Variants in LRRC38 observed in about 807,000 individuals in gnomAD.
LRRC38 encodes the protein leucine rich repeat containing 38.
In LRRC38, 5 loss-of-function variants were observed where a neutral mutation model predicts 16.4. The observed-to-expected ratio is 0.31, with a 90% CI of 0.16 to 0.64. The LOEUF is 0.64. Among genes scored for constraint, LRRC38 ranks in the 30% least tolerant of loss-of-function variants. The pLI is 0.80. For missense variants in LRRC38, 341 were observed against 401.8 expected (o/e 0.85, Z 1.29); for synonymous variants, 191 against 190.2 (o/e 1.00, Z -0.04).
rs200115412 is a variant in LRRC38, at chr1:13,504,769, GAGGGA to G, written c.631+8189_631+8193del. Among the ~76,000 whole-genome samples the G allele has an allele frequency of 7.1e-3, 572 of 80,372 alleles. 21 individuals carry two copies. The highest frequency in any genetic ancestry group is 0.027 in the African/African-American group (505 of 18,750). 52.7% of individuals were successfully genotyped at this position (80,372 alleles called of 152,430 possible). ...GAGGGGAGGGGAGGGGAGGGGAAGGGAGGGAAGGGGAGAGGGAAAGAAAGAAGAGA... is the reference window on the plus strand; with the variant it reads ...GAGGGGAGGGGAGGGGAGGGGAAGGGAGGGGAGAGGGAAAGAAAGAAGAGA... On this transcript the variant is annotated intron_variant, in intron 1 of 1. Transcript: ENST00000376085.
In LRRC38 at chr1:13,513,565, G is replaced by C. The variant is rs1639302957; in HGVS notation, c.29C>G (p.Ala10Gly). 2 of 1,219,540 alleles carry C rather than the reference G, an allele frequency of 1.6e-6. No homozygotes were observed. Among genetic ancestry groups the C allele is most frequent in the South Asian group, 3.9e-5 (1 of 25,508 alleles). The allele number at this position is 1,219,540 out of a possible 1,614,324, so 75.5% of individuals were successfully genotyped here. A position where few individuals can be genotyped will look rare whatever the true frequency, so the allele number is the denominator to read the frequency against. Reference sequence around the variant, plus strand: ...AAGGCTGCAGAGCCCGAGCGCCGCGGCGGCGCAGGCTGGGGCTCGGGGGCG... The same window carrying C: ...AAGGCTGCAGAGCCCGAGCGCCGCGCCGGCGCAGGCTGGGGCTCGGGGGCG... MRPRAPACA[A>G]AALGLCSLLL... The change falls in exon 1 of 2, where the codon GCC becomes GGC. Residue 10 changes from alanine (A) to glycine (G), a missense_variant. Coordinates refer to ENST00000376085, the MANE Select transcript of LRRC38 (RefSeq NM_001010847.2).
intron 1 of LRRC38, among the ~76,000 whole-genome samples, chr1:13,485,381 T>A (rs1377994597): frequency 6.6e-6 from 1 of 150,544 alleles, no homozygotes. Flanking sequence ...ATTGAGACCA[T>A]CCTGGCTAAC....
In LRRC38 at chr1:13,513,007, T is replaced by A. The variant is rs1249607631; in HGVS notation, c.587A>T (p.His196Leu). ...NPWLCDCDFA[H>L]LFSWIQENAS... is the part of the protein sequence containing the mutation. Reference sequence around the variant, plus strand: ...GTTCTCCTGGATCCAGGAGAAGAGGTGGGCGAAGTCACAGTCGCACAGCCA... The same window carrying A: ...GTTCTCCTGGATCCAGGAGAAGAGGAGGGCGAAGTCACAGTCGCACAGCCA... The change falls in exon 1 of 2, where the codon CAC becomes CTC. Residue 196 changes from histidine to leucine, a missense_variant. His to Leu is a moderately conservative substitution (Grantham distance 99, BLOSUM62 -3). Coordinates refer to ENST00000376085, the MANE Select transcript of LRRC38 (RefSeq NM_001010847.2). 6.3e-6 allele frequency: 9 copies of A among 1,439,336 alleles called. No homozygotes were observed. The highest frequency in any genetic ancestry group is 8.3e-6 in the Non-Finnish European group (9 of 1,088,042). 89.2% of individuals were successfully genotyped at this position (1,439,336 alleles called of 1,614,324 possible). A position where few individuals can be genotyped will look rare whatever the true frequency, so the allele number is the denominator to read the frequency against.
At chr1:13,512,532 G>A (rs980864219) in intron 1 of LRRC38, among the ~76,000 whole-genome samples, 1 of 152,152 alleles carries the variant, frequency 6.6e-6, no homozygotes, top group East Asian at 1.9e-4. Context: ...GTTAGGCTCG[G>A]GAAGCTGCTG....
At chr1:13,511,737 A>G (rs1404114889) in intron 1 of LRRC38, among the ~76,000 whole-genome samples, 1 of 152,058 alleles carries the variant, frequency 6.6e-6, no homozygotes, top group Non-Finnish European at 1.5e-5. Context: ...GTGGATGAGG[A>G]CAAAGTTTAA....
chr1:13,496,486 T>A (rs866396581), intron 1 of LRRC38, among the ~76,000 whole-genome samples: 19 of 152,112 alleles, frequency 1.2e-4, no homozygotes, highest in Admixed American at 5.2e-4. Context: ...CTGTCTTTAC[T>A]GCATTTATCT....
intron 1 of LRRC38, among the ~76,000 whole-genome samples, chr1:13,501,063 C>T (rs1344672647): frequency 6.6e-6 from 1 of 152,110 alleles, no homozygotes; most frequent in Non-Finnish European, 1.5e-5. Flanking sequence ...CTCATGTAAA[C>T]TTGCTGTGGG....
At chr1:13,512,497 T>C (rs1203352096) in intron 1 of LRRC38, among the ~76,000 whole-genome samples, 1 of 152,010 alleles carries the variant, frequency 6.6e-6, no homozygotes, top group Non-Finnish European at 1.5e-5. Flanking sequence ...AAGAGCAAAC[T>C]GGAGCTGAGA....
chr1:13,490,981 A>C (rs976679005), intron 1 of LRRC38, among the ~76,000 whole-genome samples: 2 of 152,104 alleles, frequency 1.3e-5, no homozygotes, highest in Non-Finnish European at 2.9e-5. Context: ...TCCTATTGGG[A>C]AGTAATATTT....
Position 13,513,669 on chromosome 1 carries a change from G to T in LRRC38, c.-76C>A. ...GAGCCCTGGCGCGGGACGGCGCGGT[G>T]AGGCACTGGCTGCCGGGCGCGGGGA... On this transcript the variant is annotated 5_prime_UTR_variant, in exon 1 of 2. Coordinates refer to ENST00000376085, the MANE Select transcript of LRRC38 (RefSeq NM_001010847.2). 2.0e-6 allele frequency: 2 copies of T among 981,068 alleles called. No homozygotes were observed. Among genetic ancestry groups the T allele is most frequent in the Non-Finnish European group, 2.4e-6 (2 of 818,176 alleles). 60.8% of individuals were successfully genotyped at this position (981,068 alleles called of 1,614,324 possible). A position where few individuals can be genotyped will look rare whatever the true frequency, so the allele number is the denominator to read the frequency against.
intron 1 of LRRC38, among the ~76,000 whole-genome samples, chr1:13,498,785 A>G (rs887147677): frequency 6.6e-6 from 1 of 152,192 alleles, no homozygotes; most frequent in African/African-American, 2.4e-5. Context: ...AATACCACCA[A>G]CTGGGTGGCT....
chr1:13,492,067 C>T (rs1005367615), intron 1 of LRRC38, among the ~76,000 whole-genome samples: 5 of 152,174 alleles, frequency 3.3e-5, no homozygotes, highest in African/African-American at 1.2e-4. Context: ...TCCAGAACTC[C>T]TTCCATCTTC....
intron 1 of LRRC38, among the ~76,000 whole-genome samples, chr1:13,493,637 C>T (rs958130743): frequency 2.0e-5 from 3 of 152,120 alleles, no homozygotes; most frequent in Admixed American, 2.0e-4. Flanking sequence ...AAAAGGGAGG[C>T]AGGCAGGTCA....
intron 1 of LRRC38, among the ~76,000 whole-genome samples, chr1:13,490,073 A>T (rs534998435): frequency 2.6e-5 from 4 of 152,212 alleles, no homozygotes; most frequent in Non-Finnish European, 5.9e-5. Flanking sequence ...AGCGAGGAAA[A>T]CCGACTGACT....
At chr1:13,488,863 G>C (rs891685779) in intron 1 of LRRC38, among the ~76,000 whole-genome samples, 2 of 152,070 alleles carry the variant, frequency 1.3e-5, no homozygotes, top group African/African-American at 4.8e-5. Context: ...TCGTGCGAAG[G>C]GGGGATTGGA....
At chr1:13,488,318 G>T (rs1340754713) in intron 1 of LRRC38, among the ~76,000 whole-genome samples, 1 of 151,130 alleles carries the variant, frequency 6.6e-6, no homozygotes, top group Non-Finnish European at 1.5e-5. Context: ...GCCCAGGCTG[G>T]AGTATAGTGG....
At chr1:13,481,780 CCTCTCTCCCTCTCTCTCT>C (rs1443183766) in intron 1 of LRRC38, among the ~76,000 whole-genome samples, 9 of 58,360 alleles carry the variant, frequency 1.5e-4, no homozygotes, top group East Asian at 6.6e-4. Context: ...TCCCTCTCTC[CCTCTCTCCCTCTCTCTCT>C]CTCTCTCTCT....
intron 1 of LRRC38, among the ~76,000 whole-genome samples, chr1:13,485,185 G>A (rs1421338274): frequency 1.3e-5 from 2 of 150,880 alleles, no homozygotes; most frequent in East Asian, 3.9e-4. Context: ...GCTGAAGCAG[G>A]AGAATCGCTT....
chr1:13,481,678 A>C (rs1308620830), intron 1 of LRRC38, among the ~76,000 whole-genome samples: 1 of 151,996 alleles, frequency 6.6e-6, no homozygotes, highest in African/African-American at 2.4e-5. Context: ...TACAGGCATG[A>C]GTCACCGTGC....
Sources: gnomAD v4.1 joint callset for allele counts (sites outside exome capture counted in the v4.1 genomes callset) on GRCh38, gnomAD v4.1.1 for gene constraint, MANE v1.5 for transcripts, NCBI Gene and HGNC (gene_info 2026-07-23, HGNC 2026-07-21) for gene names.